Variants in EIF2AK4 observed in about 807,000 individuals in gnomAD.
EIF2AK4 encodes the protein eukaryotic translation initiation factor 2 alpha kinase 4.
EIF2AK4 carries 139 observed loss-of-function variants against 211.1 expected under a neutral mutation model. That is an observed-to-expected ratio of 0.66 (90% CI 0.57 to 0.76). EIF2AK4 has a LOEUF of 0.76. Ranked by LOEUF, EIF2AK4 falls within the 30% of genes least tolerant of loss-of-function variation. EIF2AK4 has a pLI of 0.00. For synonymous variants in EIF2AK4, 710 were observed against 751.3 expected, an observed-to-expected ratio of 0.94 and a Z score of 0.90; for missense variants, 1,664 against 2,043.8, an observed-to-expected ratio of 0.81 and a Z score of 3.58.
intron 9 of EIF2AK4, among the ~76,000 whole-genome samples, chr15:39,968,405 A>G (rs916580804): frequency 6.6e-6 from 1 of 152,190 alleles, no homozygotes. Flanking sequence ...TACAAAGCCA[A>G]GTTTTATCCA....
chr15:39,949,980 A>C (rs2034284305), intron 4 of EIF2AK4, among the ~76,000 whole-genome samples: 1 of 151,980 alleles, frequency 6.6e-6, no homozygotes, highest in South Asian at 2.1e-4. Context: ...TAATATATGC[A>C]ACTAAATTCC....
chr15:39,972,831 C>A, intron 9 of EIF2AK4, 77 bp from the exon 10 acceptor site: 1 of 1,107,580 alleles, frequency 9.0e-7, no homozygotes, highest in South Asian at 1.3e-5. Flanking sequence ...AAAATAAACC[C>A]ATAGTTAATG....
chr15:39,945,107 C>G (rs1013207711), intron 3 of EIF2AK4, among the ~76,000 whole-genome samples: 2 of 151,992 alleles, frequency 1.3e-5, no homozygotes, highest in African/African-American at 4.8e-5. Flanking sequence ...TCCAGAGAAA[C>G]CTCTGGTTTC....
At chr15:39,971,331 C>T (rs1339416720) in intron 9 of EIF2AK4, among the ~76,000 whole-genome samples, 5 of 152,088 alleles carry the variant, frequency 3.3e-5, no homozygotes, top group Admixed American at 2.0e-4. Context: ...CAAGACCAGC[C>T]TGGCCAACAT....
intron 7 of EIF2AK4, 71 bp from the exon 8 acceptor site, chr15:39,965,614 AC>A: frequency 6.5e-7 from 1 of 1,531,296 alleles, no homozygotes; most frequent in Non-Finnish European, 8.9e-7. Context: ...AATGTGTATT[AC>A]CCCCTCCCTT....
chr15:40,032,309 G>C (rs2035554692), intron 36 of EIF2AK4, 72 bp downstream of exon 36: 3 of 1,381,320 alleles, frequency 2.2e-6, no homozygotes, highest in Non-Finnish European at 3.1e-6. Flanking sequence ...TCAGGGTTCA[G>C]AGCTTTTTTG....
At chr15:39,987,007 C>A (rs1005137875) in intron 14 of EIF2AK4, among the ~76,000 whole-genome samples, 1 of 152,142 alleles carries the variant, frequency 6.6e-6, no homozygotes, top group Non-Finnish European at 1.5e-5. Context: ...AAAAAGGAAC[C>A]CTCGACAAGT....
intron 16 of EIF2AK4, among the ~76,000 whole-genome samples, chr15:39,991,000 G>C (rs189822489): frequency 3.6e-4 from 55 of 152,322 alleles, no homozygotes; most frequent in African/African-American, 1.2e-3. Flanking sequence ...GAGGATGCGG[G>C]GCAGTTGAGG....
intron 21 of EIF2AK4, among the ~76,000 whole-genome samples, chr15:40,002,146 G>A (rs1015507595): frequency 1.6e-4 from 24 of 152,156 alleles, no homozygotes; most frequent in African/African-American, 5.8e-4. Context: ...AATTTTTACT[G>A]GCTGGCAATA....
intron 33 of EIF2AK4, among the ~76,000 whole-genome samples, chr15:40,028,937 A>C (rs761917429): frequency 1.2e-4 from 19 of 152,238 alleles, no homozygotes; most frequent in Non-Finnish European, 2.4e-4. Context: ...AAAGGCTATA[A>C]ATTAATTCAC....
At chr15:40,031,213 C>G (rs2035538368) in intron 35 of EIF2AK4, among the ~76,000 whole-genome samples, 2 of 152,164 alleles carry the variant, frequency 1.3e-5, no homozygotes, top group African/African-American at 4.8e-5. Context: ...ACACTACAGC[C>G]TGGGCAACAG....
rs957965750 is a variant in EIF2AK4 at position 40,015,546 on chromosome 15, G to T, written c.3760-956G>T. Among the ~76,000 whole-genome samples the T allele has an allele frequency of 6.2e-4, 94 of 152,268 alleles. 1 individual carries two copies. The highest frequency in any genetic ancestry group is 1.8e-3 in the African/African-American group (74 of 41,544). ...CACATGATTCAGTTACCTCCCACTG[G>T]ATCCCTCCCATGACACATGGGAATT... is the stretch of plus-strand genomic sequence containing the variant. On this transcript the variant is annotated intron_variant, in intron 27 of 38. Coordinates refer to ENST00000263791, the MANE Select transcript of EIF2AK4 (RefSeq NM_001013703.4).
At position 40,000,837 on chromosome 15, in the gene EIF2AK4, AT is replaced by A; in HGVS notation, c.2923-150del. 3.5e-5 allele frequency: 13 copies of A among 370,700 alleles called. 5 individuals are homozygous for A. Among genetic ancestry groups the A allele is most frequent in the South Asian group, 1.6e-4 (4 of 24,710 alleles). The allele number at this position is 370,700 out of a possible 1,614,324, so 23.0% of individuals were successfully genotyped here. On this transcript the variant is annotated intron_variant, in intron 20 of 38. Transcript: ENST00000263791. ...CTGTGGTCATAATAAAGCAGAAAAA[AT>A]AATGACCTATTCAGAAATTTCAGAA...
intron 13 of EIF2AK4, among the ~76,000 whole-genome samples, chr15:39,978,662 T>A (rs908842745): frequency 2.6e-5 from 4 of 152,196 alleles, no homozygotes; most frequent in African/African-American, 9.7e-5. Context: ...AAGAATTGTC[T>A]TGGGCCACAC....
At chr15:39,972,486 T>C (rs1323777768) in intron 9 of EIF2AK4, among the ~76,000 whole-genome samples, 1 of 152,232 alleles carries the variant, frequency 6.6e-6, no homozygotes, top group Non-Finnish European at 1.5e-5. Flanking sequence ...CTCGTCATAC[T>C]GAGCCACTCT....
Position 40,030,608 on chromosome 15 carries a change from T to C in EIF2AK4, c.4659+152T>C, listed in dbSNP as rs543310724. 514 of 754,798 alleles carry C rather than the reference T, an allele frequency of 6.8e-4. 6 individuals are homozygous for C. The highest frequency in any genetic ancestry group is 5.8e-4 in the Admixed American group (21 of 35,934). The allele number at this position is 754,798 out of a possible 1,614,324, so 46.8% of individuals were successfully genotyped here. ...CTTCCAACTTGCCTAACTGGGTGGC[T>C]TCTGGCTCCAGGATTCCCATCTGTC... On this transcript the variant is annotated intron_variant, in intron 35 of 38. Coordinates refer to ENST00000263791, the MANE Select transcript of EIF2AK4 (RefSeq NM_001013703.4).
intron 27 of EIF2AK4, among the ~76,000 whole-genome samples, chr15:40,011,586 G>C (rs938340121): frequency 2.6e-5 from 4 of 152,180 alleles, no homozygotes; most frequent in African/African-American, 7.2e-5. Flanking sequence ...TAATCATCCT[G>C]CTCTTTCTTG....
intron 4 of EIF2AK4, among the ~76,000 whole-genome samples, chr15:39,953,103 C>T (rs2034342847): frequency 6.6e-6 from 1 of 152,184 alleles, no homozygotes; most frequent in Non-Finnish European, 1.5e-5. Context: ...ACCTTGGCCT[C>T]CCAAAGTGCT....
chr15:40,034,684 A>G (rs1046083060), intron 38 of EIF2AK4, among the ~76,000 whole-genome samples: 2 of 152,204 alleles, frequency 1.3e-5, no homozygotes, highest in Non-Finnish European at 2.9e-5. Context: ...CACCCAGGTA[A>G]TTCACTTTCT....
Sources: allele counts gnomAD v4.1 joint callset (sites outside exome capture counted in the v4.1 genomes callset), GRCh38; gene constraint gnomAD v4.1.1; transcripts MANE v1.5; gene names NCBI Gene and HGNC (gene_info 2026-07-23, HGNC 2026-07-21).